TNIP3: variants seen among roughly 807,000 people sequenced by gnomAD.
The protein encoded by TNIP3 is TNFAIP3-interacting protein 3.
A neutral mutation model predicts 54.1 loss-of-function variants in TNIP3; 34 were observed. The ratio of observed to expected loss-of-function variants is 0.63; its 90% CI spans 0.48 to 0.84. The LOEUF (loss-of-function observed/expected upper bound fraction) is 0.84, where lower values mean the gene tolerates loss of function less well. Among genes scored for constraint, TNIP3 ranks in the 40% least tolerant of loss-of-function variants. The probability of loss-of-function intolerance (pLI) is 0.00; values close to 1 mark genes in which losing one functional copy is unlikely to be tolerated. For missense variants in TNIP3, 366 were observed against 387.6 expected (o/e 0.94, Z 0.47); for synonymous variants, 134 against 136.8 (o/e 0.98, Z 0.14).
At chr4:121,211,814 A>G (rs561069190) in intron 2 of TNIP3, among the ~76,000 whole-genome samples, 27 of 152,352 alleles carry the variant, frequency 1.8e-4, no homozygotes, top group South Asian at 2.1e-4. Flanking sequence ...GAGTTACCAC[A>G]CACAGAAAGG....
intron 3 of TNIP3, among the ~76,000 whole-genome samples, chr4:121,175,777 A>C (rs1724286310): frequency 6.6e-6 from 1 of 152,168 alleles, no homozygotes; most frequent in Non-Finnish European, 1.5e-5. Flanking sequence ...TTTCTGCCCA[A>C]TAGGTGGGTG....
At chr4:121,140,073 T>C (rs921441116) in intron 9 of TNIP3, among the ~76,000 whole-genome samples, 3 of 152,220 alleles carry the variant, frequency 2.0e-5, no homozygotes, top group Non-Finnish European at 4.4e-5. Context: ...CAGTGGCTCA[T>C]GCCTGTAATC....
At chr4:121,193,690 A>G (rs1036757787) in intron 2 of TNIP3, among the ~76,000 whole-genome samples, 12 of 152,172 alleles carry the variant, frequency 7.9e-5, no homozygotes, top group African/African-American at 2.9e-4. Flanking sequence ...GGGGAAATGT[A>G]AAAGAATAAT....
intron 8 of TNIP3, 106 bp downstream of exon 8, chr4:121,142,620 G>A (rs1729187841): frequency 3.0e-6 from 3 of 1,000,574 alleles, no homozygotes; most frequent in Admixed American, 3.9e-5. Flanking sequence ...AAAAGCATGG[G>A]TTGTTGTAGG....
At chr4:121,145,133 AG>A (rs1413166044) in intron 7 of TNIP3, among the ~76,000 whole-genome samples, 1 of 152,232 alleles carries the variant, frequency 6.6e-6, no homozygotes, top group Non-Finnish European at 1.5e-5. Flanking sequence ...TTCCTCTAAA[AG>A]TCCACTTGGA....
At chr4:121,186,376 G>A (rs1171225217) in intron 2 of TNIP3, among the ~76,000 whole-genome samples, 1 of 152,134 alleles carries the variant, frequency 6.6e-6, no homozygotes, top group Non-Finnish European at 1.5e-5. Context: ...GTAAGGACTT[G>A]CACTCACTGT....
chr4:121,163,146 GT>G (rs1438086893), intron 1 of TNIP3, among the ~76,000 whole-genome samples: 1 of 152,148 alleles, frequency 6.6e-6, no homozygotes, highest in Non-Finnish European at 1.5e-5. Context: ...TCAGTTATAG[GT>G]GGGGGAGGAT....
At chr4:121,146,387 A>C (rs749210444) in intron 7 of TNIP3, among the ~76,000 whole-genome samples, 4 of 152,248 alleles carry the variant, frequency 2.6e-5, no homozygotes, top group Non-Finnish European at 5.9e-5. Flanking sequence ...ACAAATAAAA[A>C]TGGTGCAGTT....
chr4:121,134,887 C>T (rs1298869089), intron 10 of TNIP3, among the ~76,000 whole-genome samples: 1 of 152,204 alleles, frequency 6.6e-6, no homozygotes, highest in African/African-American at 2.4e-5. Context: ...TGCACATCCC[C>T]GAAGTCCCTG....
chr4:121,170,437 G>T (rs1231724794), intron 3 of TNIP3, among the ~76,000 whole-genome samples: 1 of 152,170 alleles, frequency 6.6e-6, no homozygotes, highest in Non-Finnish European at 1.5e-5. Context: ...AACCAGAAAT[G>T]ATCAGGTAGG....
chr4:121,169,363 T>C (rs1378762995), intron 3 of TNIP3, among the ~76,000 whole-genome samples: 1 of 152,198 alleles, frequency 6.6e-6, no homozygotes, highest in Admixed American at 6.5e-5. Context: ...GTAAGTGACA[T>C]CTGTTTATTG....
In TNIP3 at chr4:121,160,908, T is replaced by C. The variant is rs182792458; in HGVS notation, c.147+228A>G. Reference sequence around the variant, plus strand: ...AATTAGGATTATATTACCAGACTTATGACTTTGTCGTTTTTCATTCGTCAC... The same window carrying C: ...AATTAGGATTATATTACCAGACTTACGACTTTGTCGTTTTTCATTCGTCAC... On this transcript the variant is annotated intron_variant, in intron 2 of 10. Transcript: ENST00000057513. 8.5e-4 allele frequency among the ~76,000 whole-genome samples: 129 copies of C among 152,348 alleles called. No individual in the cohort carries two copies. In the Middle Eastern group the frequency reaches 0.01, roughly 12 times the overall value.
Position 121,164,259 on chromosome 4 carries a change from T to C in TNIP3, c.-134A>G. The C allele has an allele frequency of 1.4e-6, 2 of 1,481,450 alleles. No individual in the cohort carries two copies. Among genetic ancestry groups the C allele is most frequent in the South Asian group, 1.4e-5 (1 of 73,168 alleles). 91.8% of individuals were successfully genotyped at this position (1,481,450 alleles called of 1,614,324 possible). On this transcript the variant is annotated 5_prime_UTR_variant, in exon 1 of 11. Coordinates refer to ENST00000057513, the MANE Select transcript of TNIP3 (RefSeq NM_024873.6). ...ATCACCGTTAACTCATAATAGAAAA[T>C]AACAGCAATAGGTTTTCATTAAAAA...
intron 1 of TNIP3, chr4:121,227,367 A>G: frequency 1.3e-6 from 2 of 1,534,882 alleles, no homozygotes; most frequent in South Asian, 1.2e-5. Context: ...TAAAGGCACA[A>G]GACATTATGT....
chr4:121,213,599 C>T (rs147939637), intron 2 of TNIP3, among the ~76,000 whole-genome samples: 48 of 151,548 alleles, frequency 3.2e-4, no homozygotes, highest in Non-Finnish European at 4.9e-4. Context: ...TGGTGGCGGG[C>T]GCCTGTAGTC....
At chr4:121,168,198 T>A (rs1363558437), upstream of TNIP3, among the ~76,000 whole-genome samples, 1 of 152,076 alleles carries the variant, frequency 6.6e-6, no homozygotes, top group Non-Finnish European at 1.5e-5. Context: ...AAACTTACCA[T>A]TTTTTCTTTC....
In TNIP3 at chr4:121,164,231, C is replaced by G; in HGVS notation, c.-106G>C. 6.4e-7 allele frequency: 1 copy of G among 1,568,964 alleles called. No homozygotes were observed. Among genetic ancestry groups the G allele is most frequent in the Non-Finnish European group, 8.6e-7 (1 of 1,161,026 alleles). Reference sequence around the variant, plus strand: ...GCAAGTATACAAAATTTAAAAAACACACATCACCGTTAACTCATAATAGAA... The same window carrying G: ...GCAAGTATACAAAATTTAAAAAACAGACATCACCGTTAACTCATAATAGAA... On this transcript the variant is annotated 5_prime_UTR_variant, in exon 1 of 11. Coordinates refer to ENST00000057513, the MANE Select transcript of TNIP3 (RefSeq NM_024873.6).
intron 1 of TNIP3, 93 bp downstream of exon 1, chr4:121,163,966 CA>C (rs1730611772): frequency 7.1e-7 from 1 of 1,405,786 alleles, no homozygotes; most frequent in Admixed American, 2.2e-5. Flanking sequence ...GCAAACTAGC[CA>C]TTTCTGTTCT....
chr4:121,131,605 T>TC lies in TNIP3; in HGVS notation c.*1025_*1026insG. 6.8e-6 allele frequency: 1 copy of TC among 146,836 alleles called. No homozygotes were observed. The highest frequency in any genetic ancestry group is 1.5e-5 in the Non-Finnish European group (1 of 66,540). 9.1% of individuals were successfully genotyped at this position (146,836 alleles called of 1,614,324 possible). A position where few individuals can be genotyped will look rare whatever the true frequency, so the allele number is the denominator to read the frequency against. ...TCCCATCAGGACTTTGTCTTCCTTTTTTTTTTTTTTTTTTTTTTGGTGGTG... is the reference window on the plus strand; with the variant it reads ...TCCCATCAGGACTTTGTCTTCCTTTTCTTTTTTTTTTTTTTTTTTGGTGGTG... On this transcript the variant is annotated 3_prime_UTR_variant, in exon 11 of 11. Coordinates refer to ENST00000057513, the MANE Select transcript of TNIP3 (RefSeq NM_024873.6).
Sources: gnomAD v4.1 joint callset for allele counts (sites outside exome capture counted in the v4.1 genomes callset) on GRCh38, gnomAD v4.1.1 for gene constraint, MANE v1.5 for transcripts, NCBI Gene and HGNC (gene_info 2026-07-23, HGNC 2026-07-21) for gene names.